KCNH7: variants seen among roughly 807,000 people sequenced by gnomAD.
KCNH7 encodes voltage-gated inwardly rectifying potassium channel KCNH7.
A neutral mutation model predicts 120.8 loss-of-function variants in KCNH7; 49 were observed. The observed-to-expected ratio is 0.41, with a 90% confidence interval of 0.32 to 0.51. KCNH7 has a LOEUF of 0.51. Ranked by LOEUF, KCNH7 falls within the 20% of genes least tolerant of loss-of-function variation. The probability of loss-of-function intolerance (pLI) is 0.38; values close to 1 mark genes in which losing one functional copy is unlikely to be tolerated. For missense variants in KCNH7, 1,097 were observed against 1,446.6 expected (o/e 0.76, Z 3.92); for synonymous variants, 547 against 516.1 (o/e 1.06, Z -0.81).
chr2:162,681,737 C>A (rs1250161458), intron 2 of KCNH7, among the ~76,000 whole-genome samples: 4 of 151,072 alleles, frequency 2.6e-5, no homozygotes, highest in Non-Finnish European at 5.9e-5. Flanking sequence ...ATAACAGTAG[C>A]TTGCAACTAG....
chr2:162,587,285 A>T (rs2105926848), intron 2 of KCNH7, among the ~76,000 whole-genome samples: 1 of 152,232 alleles, frequency 6.6e-6, no homozygotes, highest in Non-Finnish European at 1.5e-5. Context: ...TTTTCTGGGA[A>T]ATTGTCATGG....
chr2:162,787,779 G>A (rs891333374), intron 2 of KCNH7, among the ~76,000 whole-genome samples: 4 of 152,044 alleles, frequency 2.6e-5, no homozygotes, highest in African/African-American at 7.2e-5. Context: ...TGTCAGGCTG[G>A]CATCCACAGA....
chr2:162,545,088 T>TGA (rs1692433745), intron 2 of KCNH7, among the ~76,000 whole-genome samples: 1 of 152,168 alleles, frequency 6.6e-6, no homozygotes, highest in East Asian at 1.9e-4. Flanking sequence ...AGCTTTGAAC[T>TGA]GAGACCTGTC....
At chr2:162,462,000 G>A (rs948103317) in intron 6 of KCNH7, among the ~76,000 whole-genome samples, 12 of 152,094 alleles carry the variant, frequency 7.9e-5, no homozygotes, top group Non-Finnish European at 1.8e-4. Flanking sequence ...TAAAATTTGA[G>A]TATACTTTCC....
intron 2 of KCNH7, among the ~76,000 whole-genome samples, chr2:162,789,093 A>G (rs193264829): frequency 1.3e-5 from 2 of 151,714 alleles, no homozygotes; most frequent in Admixed American, 1.3e-4. Flanking sequence ...ACAAAGACTG[A>G]GGGAGTTAAT....
At chr2:162,673,503 C>T (rs1009320550) in intron 2 of KCNH7, among the ~76,000 whole-genome samples, 16 of 151,994 alleles carry the variant, frequency 1.1e-4, no homozygotes, top group African/African-American at 2.7e-4. Flanking sequence ...GATTTGGCTA[C>T]GTGATTTACT....
At chr2:162,687,423 A>G (rs1460103868) in intron 2 of KCNH7, among the ~76,000 whole-genome samples, 1 of 152,170 alleles carries the variant, frequency 6.6e-6, no homozygotes, top group Non-Finnish European at 1.5e-5. Flanking sequence ...ACAAATATAC[A>G]AAAATATTAC....
intron 2 of KCNH7, among the ~76,000 whole-genome samples, chr2:162,766,892 CACACACACACACAT>C (rs1373442293): frequency 1.3e-5 from 2 of 149,284 alleles, no homozygotes; most frequent in African/African-American, 2.6e-5. Flanking sequence ...CACACACACA[CACACACACACACAT>C]AAACACACAT....
At chr2:162,433,718 G>T (rs768497094) in intron 8 of KCNH7, among the ~76,000 whole-genome samples, 1 of 152,004 alleles carries the variant, frequency 6.6e-6, no homozygotes, top group Non-Finnish European at 1.5e-5. Context: ...AACAGATGCT[G>T]GTGAGGCTGT....
chr2:162,744,178 CCTGA>C (rs1487616500), intron 2 of KCNH7, among the ~76,000 whole-genome samples: 1 of 152,066 alleles, frequency 6.6e-6, no homozygotes, highest in African/African-American at 2.4e-5. Flanking sequence ...GACAAACATG[CCTGA>C]CTACTTATGT....
intron 3 of KCNH7, among the ~76,000 whole-genome samples, chr2:162,534,976 T>A (rs547870499): frequency 7.2e-5 from 11 of 151,858 alleles, no homozygotes; most frequent in Non-Finnish European, 1.5e-4. Context: ...ATAAAATATA[T>A]TTTTAAAAAA....
Position 162,384,781 on chromosome 2 carries a change from G to C in KCNH7, c.2869C>G (p.Pro957Ala). The change falls in exon 13 of 16, where the codon CCA becomes GCA. Residue 957 changes from proline to alanine, a missense_variant. Around this residue, in one of 8 missense-constraint regions of KCNH7, gnomAD observed 406 missense variants for 410.5 expected, o/e 0.99. Transcript: ENST00000332142. ...PLFSGIVDSS[P>A]GIGKASGLDF... is the part of the protein sequence containing the mutation. Reference sequence around the variant, plus strand: ...AGCCCAGATGCTTTCCCTATTCCTGGAGAAGAGTCTACTATTCCTGAGAAG... The same window carrying C: ...AGCCCAGATGCTTTCCCTATTCCTGCAGAAGAGTCTACTATTCCTGAGAAG... The C allele has an allele frequency of 1.9e-6, 3 of 1,612,762 alleles. No homozygotes were observed. Among genetic ancestry groups the C allele is most frequent in the Non-Finnish European group, 2.5e-6 (3 of 1,179,120 alleles).
chr2:162,838,643 C>T lies in KCNH7; in HGVS notation c.-125G>A, dbSNP rs1685745434. 2.9e-6 allele frequency: 2 copies of T among 690,618 alleles called. No homozygotes were observed. The highest frequency in any genetic ancestry group is 4.9e-6 in the Non-Finnish European group (2 of 408,632). The allele number at this position is 690,618 out of a possible 1,614,324, so 42.8% of individuals were successfully genotyped here. A position where few individuals can be genotyped will look rare whatever the true frequency, so the allele number is the denominator to read the frequency against. On this transcript the variant is annotated 5_prime_UTR_variant, in exon 1 of 16. It introduces an in-frame stop codon into an upstream open reading frame of the 5' UTR. Coordinates refer to ENST00000332142, the MANE Select transcript of KCNH7 (RefSeq NM_033272.4). ...GTGGCAGAGCATCCTCTTTTGAAAC[C>T]AGAATTCTCTTCCCATTAGCACCAC...
chr2:162,638,139 T>C (rs1315662705), intron 2 of KCNH7, among the ~76,000 whole-genome samples: 1 of 152,042 alleles, frequency 6.6e-6, no homozygotes, highest in Non-Finnish European at 1.5e-5. Flanking sequence ...AGGTACTCCT[T>C]GGACATTTCT....
At chr2:162,451,723 A>C (rs571354101) in intron 6 of KCNH7, among the ~76,000 whole-genome samples, 50 of 152,164 alleles carry the variant, frequency 3.3e-4, no homozygotes, top group Admixed American at 1.2e-3. Context: ...ATCAATCAAT[A>C]AATAAATAGA....
intron 2 of KCNH7, among the ~76,000 whole-genome samples, chr2:162,800,013 G>A (rs964948271): frequency 6.6e-6 from 1 of 151,206 alleles, no homozygotes; most frequent in African/African-American, 2.4e-5. Flanking sequence ...CAAAGCTGTT[G>A]AATACAAGAA....
chr2:162,663,176 T>G (rs1312207975), intron 2 of KCNH7, among the ~76,000 whole-genome samples: 1 of 152,188 alleles, frequency 6.6e-6, no homozygotes, highest in African/African-American at 2.4e-5. Flanking sequence ...TATTGTGAAG[T>G]GACAATATGA....
At chr2:162,458,102 T>TGC (rs1689029091) in intron 6 of KCNH7, among the ~76,000 whole-genome samples, 1 of 136,428 alleles carries the variant, frequency 7.3e-6, no homozygotes, top group South Asian at 2.2e-4. Flanking sequence ...TTTGGCTATG[T>TGC]GCGTGTGTGT....
At chr2:162,656,339 G>T (rs1240346284) in intron 2 of KCNH7, among the ~76,000 whole-genome samples, 1 of 152,124 alleles carries the variant, frequency 6.6e-6, no homozygotes, top group African/African-American at 2.4e-5. Flanking sequence ...TAAAATAGTG[G>T]TATGTATATA....
Sources: gnomAD v4.1 joint callset for allele counts (sites outside exome capture counted in the v4.1 genomes callset) on GRCh38, gnomAD v4.1.1 for gene constraint, gnomAD v4.1.1 regional missense constraint, MANE v1.5 for transcripts, NCBI Gene and HGNC (gene_info 2026-07-23, HGNC 2026-07-21) for gene names.